CDH18: variants seen among roughly 807,000 people sequenced by gnomAD.
CDH18 encodes the protein cadherin 18, also known as cadherin-18.
Under a neutral mutation model 67.9 loss-of-function variants are expected in CDH18, and 31 were observed. That is an observed-to-expected ratio of 0.46 (90% confidence interval 0.34 to 0.62). The LOEUF (loss-of-function observed/expected upper bound fraction) is 0.62, where lower values mean the gene tolerates loss of function less well. Among genes scored for constraint, CDH18 ranks in the 20% least tolerant of loss-of-function variants. The pLI is 0.01. For synonymous variants in CDH18, 362 were observed against 347.2 expected (o/e 1.04, Z -0.48); for missense variants, 890 against 975.5 (o/e 0.91, Z 1.17).
intron 1 of CDH18, among the ~76,000 whole-genome samples, chr5:20,380,027 A>G (rs1178586510): frequency 1.3e-5 from 2 of 152,160 alleles, no homozygotes; most frequent in African/African-American, 4.8e-5. Context: ...TCAGAAAAAG[A>G]TGGACTGTAG....
intron 2 of CDH18, among the ~76,000 whole-genome samples, chr5:20,097,240 G>C (rs527868454): frequency 1.3e-5 from 2 of 151,888 alleles, no homozygotes. Flanking sequence ...TTAATCTGTT[G>C]TCATAGTGCT....
chr5:20,076,817 CT>C (rs1743985457), intron 2 of CDH18, among the ~76,000 whole-genome samples: 1 of 151,946 alleles, frequency 6.6e-6, no homozygotes, highest in African/African-American at 2.4e-5. Flanking sequence ...CTTTATCAAC[CT>C]TTTGATATAA....
intron 7 of CDH18, among the ~76,000 whole-genome samples, chr5:19,585,064 G>A (rs929873806): frequency 2.6e-4 from 40 of 151,668 alleles, no homozygotes; most frequent in African/African-American, 9.4e-4. Flanking sequence ...AATATTTTTA[G>A]TACATCATCA....
At chr5:19,869,017 G>A (rs891698192) in intron 2 of CDH18, among the ~76,000 whole-genome samples, 1 of 152,002 alleles carries the variant, frequency 6.6e-6, no homozygotes, top group Non-Finnish European at 1.5e-5. Context: ...CATCATTAAG[G>A]GACAAAATAA....
At chr5:19,743,360 T>C (rs981616755) in intron 4 of CDH18, among the ~76,000 whole-genome samples, 1 of 152,172 alleles carries the variant, frequency 6.6e-6, no homozygotes, top group Non-Finnish European at 1.5e-5. Context: ...GATCTCCCTA[T>C]AATAGCTTAC....
chr5:20,122,791 A>G (rs1456273699), intron 2 of CDH18, among the ~76,000 whole-genome samples: 1 of 148,668 alleles, frequency 6.7e-6, no homozygotes, highest in East Asian at 2.0e-4. Flanking sequence ...ACATTTTTCT[A>G]ATTCGATATG....
chr5:20,403,182 C>G (rs1745926061), intron 1 of CDH18, among the ~76,000 whole-genome samples: 1 of 152,136 alleles, frequency 6.6e-6, no homozygotes, highest in East Asian at 1.9e-4. Context: ...TTAAAGGCAT[C>G]AAGAATGGTA....
chr5:20,194,769 G>A (rs1738835926), intron 2 of CDH18, among the ~76,000 whole-genome samples: 1 of 151,738 alleles, frequency 6.6e-6, no homozygotes, highest in Admixed American at 6.6e-5. Flanking sequence ...AGCTGATCTG[G>A]GTTGCTAAGG....
intron 1 of CDH18, among the ~76,000 whole-genome samples, chr5:20,573,536 A>G (rs575049518): frequency 2.0e-5 from 3 of 151,210 alleles, no homozygotes; most frequent in Non-Finnish European, 4.4e-5. Flanking sequence ...TCCTTGAATG[A>G]GATGTCAGAT....
intron 1 of CDH18, among the ~76,000 whole-genome samples, chr5:20,566,965 C>T (rs1758548685): frequency 1.3e-5 from 2 of 152,154 alleles, no homozygotes; most frequent in African/African-American, 4.8e-5. Flanking sequence ...TTGTTCAATA[C>T]TGTATTGAAG....
intron 2 of CDH18, among the ~76,000 whole-genome samples, chr5:20,026,372 C>A (rs969558466): frequency 6.6e-6 from 1 of 152,084 alleles, no homozygotes; most frequent in Non-Finnish European, 1.5e-5. Flanking sequence ...ATATTTCTCA[C>A]GGAATTTCTG....
chr5:20,072,993 G>A (rs1310605420), intron 2 of CDH18, among the ~76,000 whole-genome samples: 2 of 151,888 alleles, frequency 1.3e-5, no homozygotes, highest in Non-Finnish European at 2.9e-5. Flanking sequence ...GAGGATAACA[G>A]AAATAGGGTC....
intron 5 of CDH18, among the ~76,000 whole-genome samples, chr5:19,714,511 ATTT>A (rs5866395): frequency 1.4e-5 from 2 of 144,908 alleles, no homozygotes; most frequent in African/African-American, 5.0e-5. Flanking sequence ...ACAAAGTGAG[ATTT>A]TTTTTTTTTT....
intron 5 of CDH18, among the ~76,000 whole-genome samples, chr5:19,624,513 T>C (rs1172574913): frequency 6.6e-6 from 1 of 152,188 alleles, no homozygotes; most frequent in East Asian, 1.9e-4. Context: ...TTCAGAGATA[T>C]GTATATGCTT....
At position 19,865,819 on chromosome 5, in the gene CDH18, G is replaced by T. The variant is rs1446497616; in HGVS notation, c.-256-26577C>A. Among the ~76,000 whole-genome samples the T allele has an allele frequency of 3.3e-5, 5 of 152,270 alleles. No homozygotes were observed. In the East Asian group the frequency reaches 7.7e-4, roughly 24 times the overall value. The stretch of plus-strand genomic sequence containing the variant: ...TCTCTTGCTGCTAGGGTATGGTGGT[G>T]TTTCATGGACAGAACTTGTTTCCCC... On this transcript the variant is annotated intron_variant, in intron 2 of 12. Transcript: ENST00000382275.
intron 2 of CDH18, among the ~76,000 whole-genome samples, chr5:20,086,038 C>T (rs1416475950): frequency 6.6e-6 from 1 of 152,130 alleles, no homozygotes; most frequent in Admixed American, 6.5e-5. Context: ...AAACAGTGAG[C>T]CAAGATGTAA....
chr5:19,746,857 T>C, intron 4 of CDH18, 85 bp downstream of exon 4: 2 of 1,035,354 alleles, frequency 1.9e-6, no homozygotes, highest in South Asian at 1.5e-5. Context: ...GATATATATA[T>C]ATAAGTAAAA....
At chr5:20,309,359 C>T (rs1243180192) in intron 1 of CDH18, among the ~76,000 whole-genome samples, 5 of 152,134 alleles carry the variant, frequency 3.3e-5, no homozygotes, top group African/African-American at 7.2e-5. Flanking sequence ...TCTATGCCCT[C>T]GTCCCCGTGG....
At chr5:20,109,085 G>T (rs1005498069) in intron 2 of CDH18, among the ~76,000 whole-genome samples, 2 of 152,122 alleles carry the variant, frequency 1.3e-5, no homozygotes, top group African/African-American at 4.8e-5. Context: ...GCTTAATACT[G>T]TATCTCTGAT....
Sources: allele counts gnomAD v4.1 joint callset (sites outside exome capture counted in the v4.1 genomes callset), GRCh38; gene constraint gnomAD v4.1.1; transcripts MANE v1.5; gene names NCBI Gene and HGNC (gene_info 2026-07-23, HGNC 2026-07-21).